TMEM38B: variants seen among roughly 807,000 people sequenced by gnomAD.
The protein encoded by TMEM38B is transmembrane protein 38B, also known as trimeric intracellular cation channel type B.
TMEM38B carries 24 observed loss-of-function variants against 28.7 expected under a neutral mutation model. That is an observed-to-expected ratio of 0.84 (90% CI 0.61 to 1.18). The LOEUF (loss-of-function observed/expected upper bound fraction) is 1.18. Among genes scored for constraint, TMEM38B ranks in the 50% most tolerant of loss-of-function variants. The pLI, the probability that TMEM38B is intolerant of heterozygous loss-of-function variation, is 0.00. For missense variants in TMEM38B, 380 were observed against 350.9 expected, an observed-to-expected ratio of 1.08 and a Z score of -0.66; for synonymous variants, 131 against 127.7, an observed-to-expected ratio of 1.03 and a Z score of -0.17.
rs1826678701 is a variant in TMEM38B at position 105,774,920 on chromosome 9, A to T, written c.*840A>T. 1 of 151,742 alleles carries T rather than the reference A, an allele frequency of 6.6e-6. No homozygotes were observed. Among genetic ancestry groups the T allele is most frequent in the South Asian group, 2.1e-4 (1 of 4,822 alleles). 9.4% of individuals were successfully genotyped at this position (151,742 alleles called of 1,614,324 possible). A position where few individuals can be genotyped will look rare whatever the true frequency, so the allele number is the denominator to read the frequency against. On this transcript the variant is annotated 3_prime_UTR_variant, in exon 6 of 6. Coordinates refer to ENST00000374692, the MANE Select transcript of TMEM38B (RefSeq NM_018112.3). Reference sequence around the variant, plus strand: ...CACATTTGTTTTAATTGTAGGAGAAATTTTCTCAGCATTTTGCATGTTCTT... The same window carrying T: ...CACATTTGTTTTAATTGTAGGAGAATTTTTCTCAGCATTTTGCATGTTCTT...
intron 4 of TMEM38B, among the ~76,000 whole-genome samples, chr9:105,745,136 A>G (rs1486506978): frequency 1.3e-5 from 2 of 152,134 alleles, no homozygotes; most frequent in South Asian, 2.1e-4. Flanking sequence ...TGGTATTTCT[A>G]GTTCTAGATC....
intron 4 of TMEM38B, among the ~76,000 whole-genome samples, chr9:105,741,465 T>A (rs1396267679): frequency 6.6e-6 from 1 of 152,170 alleles, no homozygotes; most frequent in African/African-American, 2.4e-5. Flanking sequence ...ATAATACATA[T>A]ATTGTTATAA....
chr9:105,745,701 T>C (rs1348908292), intron 4 of TMEM38B, among the ~76,000 whole-genome samples: 2 of 152,226 alleles, frequency 1.3e-5, no homozygotes, highest in African/African-American at 2.4e-5. Context: ...GATTTTCTTC[T>C]AGGATTTTTA....
chr9:105,734,252 A>G (rs1179209391), intron 4 of TMEM38B, among the ~76,000 whole-genome samples: 1 of 152,104 alleles, frequency 6.6e-6, no homozygotes, highest in Admixed American at 6.5e-5. Context: ...TGAATTTTCC[A>G]AAATTCCTCC....
chr9:105,748,082 G>A lies in TMEM38B; in HGVS notation c.552G>A (p.Lys184=). Residue 184 remains lysine, a synonymous_variant, in exon 5 of 6, where the codon AAG becomes AAA. Coordinates refer to ENST00000374692, the MANE Select transcript of TMEM38B (RefSeq NM_018112.3). ...DEWLKMSYPA[K]VTLLGSVIFT... is the part of the protein sequence containing the mutation. ...TGTGTTTTATTTTCAGCCCTGCCAA[G>A]GTAACCCTGCTGGGGTCAGTTATCT... The A allele has an allele frequency of 6.2e-7, 1 of 1,612,050 alleles. No homozygotes were observed.
chr9:105,756,393 T>TATA lies in TMEM38B; in HGVS notation c.660+8206_660+8208dup, dbSNP rs143864342. Among the ~76,000 whole-genome samples the TATA allele has an allele frequency of 5.7e-3, 866 of 152,294 alleles. 8 individuals are homozygous for TATA. Among genetic ancestry groups the TATA allele is most frequent in the African/African-American group, 0.02 (833 of 41,564 alleles). On this transcript the variant is annotated intron_variant, in intron 5 of 5. Transcript: ENST00000374692. ...AAGCATTTGGTATTTCACTATTAAG[T>TATA]ATAATGTTGGCTGTGGGTTTTTCCT... is the stretch of plus-strand genomic sequence containing the variant.
chr9:105,723,595 G>A (rs1452835355), intron 4 of TMEM38B, among the ~76,000 whole-genome samples: 1 of 151,928 alleles, frequency 6.6e-6, no homozygotes, highest in East Asian at 1.9e-4. Context: ...TCTCATCTCA[G>A]TATGTTGCCT....
At chr9:105,734,542 A>G (rs1836896372) in intron 4 of TMEM38B, among the ~76,000 whole-genome samples, 1 of 151,992 alleles carries the variant, frequency 6.6e-6, no homozygotes, top group African/African-American at 2.4e-5. Flanking sequence ...GTATTGACGT[A>G]CCCTACTATT....
intron 1 of TMEM38B, among the ~76,000 whole-genome samples, chr9:105,702,457 C>CT (rs760149034): frequency 1.3e-5 from 2 of 152,124 alleles, no homozygotes; most frequent in South Asian, 2.1e-4. Context: ...CTAAAATAGA[C>CT]TGAGTACAAG....
intron 5 of TMEM38B, among the ~76,000 whole-genome samples, chr9:105,754,982 A>G (rs1378094864): frequency 6.6e-6 from 1 of 152,240 alleles, no homozygotes; most frequent in Non-Finnish European, 1.5e-5. Context: ...ACTGTACTAT[A>G]TACTATAAGC....
At chr9:105,730,772 CT>C (rs1423381533) in intron 4 of TMEM38B, among the ~76,000 whole-genome samples, 1 of 152,142 alleles carries the variant, frequency 6.6e-6, no homozygotes, top group African/African-American at 2.4e-5. Flanking sequence ...AGAGATTCAA[CT>C]TCTTCCTGGT....
Position 105,762,246 on chromosome 9 carries a change from A to AT in TMEM38B, c.661-11619_661-11618insT, listed in dbSNP as rs1564416485. Among the ~76,000 whole-genome samples the AT allele has an allele frequency of 7.2e-4, 108 of 150,718 alleles. 1 individual carries two copies. The highest frequency in any genetic ancestry group is 2.5e-3 in the African/African-American group (102 of 40,678). Reference sequence around the variant, plus strand: ...GACTTTATCCTAGAAACTGGCTATAAATTTTTTTTTTAAATTTATTATTAT... The same window carrying AT: ...GACTTTATCCTAGAAACTGGCTATAATATTTTTTTTTTAAATTTATTATTAT... On this transcript the variant is annotated intron_variant, in intron 5 of 5. Coordinates refer to ENST00000374692, the MANE Select transcript of TMEM38B (RefSeq NM_018112.3).
intron 4 of TMEM38B, among the ~76,000 whole-genome samples, chr9:105,728,199 C>T (rs1357404773): frequency 2.0e-5 from 3 of 152,144 alleles, no homozygotes; most frequent in African/African-American, 4.8e-5. Flanking sequence ...CCTATCAACT[C>T]GTCATTTACA....
intron 4 of TMEM38B, among the ~76,000 whole-genome samples, chr9:105,724,398 G>C (rs962794358): frequency 3.3e-5 from 5 of 152,016 alleles, no homozygotes; most frequent in African/African-American, 1.2e-4. Flanking sequence ...ACTTTGGGAG[G>C]CCGAGGCAGG....
Position 105,718,846 on chromosome 9 carries a change from G to A in TMEM38B, c.270-2691G>A, listed in dbSNP as rs147090626. Among the ~76,000 whole-genome samples, 526 of 151,856 alleles carry A rather than the reference G, an allele frequency of 3.5e-3. 6 individuals carry two copies. The Middle Eastern group carries it at 0.058, about 17-fold the overall frequency. On this transcript the variant is annotated intron_variant, in intron 2 of 5. Coordinates refer to ENST00000374692, the MANE Select transcript of TMEM38B (RefSeq NM_018112.3). ...TTATATATGGCACATTTGTGTAACCGAGACTACATTTAGATGAGGAAAAAT... is the reference window on the plus strand; with the variant it reads ...TTATATATGGCACATTTGTGTAACCAAGACTACATTTAGATGAGGAAAAAT...
At chr9:105,709,765 A>G (rs72730836) in intron 2 of TMEM38B, among the ~76,000 whole-genome samples, 533 of 152,376 alleles carry the variant, frequency 3.5e-3, no homozygotes, top group Middle Eastern at 6.8e-3. Context: ...GCAGATGCCA[A>G]CAAAGCCAAT....
rs1182984898 is a variant in TMEM38B at position 105,773,901 on chromosome 9, T to C, written c.697T>C (p.Phe233Leu). ...GACTACACAGACTTCTACTATGACA[T>C]TTGCTCCTTTTGAGGATACATTGAG... ...MMTTQTSTMTFAPFEDTLSWM... is the reference protein window; with the variant it reads ...MMTTQTSTMTLAPFEDTLSWM... The change falls in exon 6 of 6, where the codon TTT becomes CTT. Residue 233 changes from phenylalanine to leucine, a missense_variant. Transcript: ENST00000374692. The C allele has an allele frequency of 6.2e-7, 1 of 1,613,632 alleles. No homozygotes were observed. Among genetic ancestry groups the C allele is most frequent in the African/African-American group, 1.3e-5 (1 of 74,904 alleles).
At chr9:105,720,790 T>C (rs1436677365) in intron 2 of TMEM38B, among the ~76,000 whole-genome samples, 1 of 152,090 alleles carries the variant, frequency 6.6e-6, no homozygotes, top group African/African-American at 2.4e-5. Context: ...ATTTGGAGAA[T>C]GGAGAGAAAA....
rs1588452223 is a variant in TMEM38B, at chr9:105,748,339, A to G, written c.660+149A>G. The G allele has an allele frequency of 8.2e-6, 5 of 609,630 alleles. No individual in the cohort carries two copies. In the East Asian group the frequency reaches 8.7e-5, roughly 11 times the overall value. The allele number at this position is 609,630 out of a possible 1,614,324, so 37.8% of individuals were successfully genotyped here. ...TTGGGGAGCTTTACTCAGCACATCC[A>G]TGACTTTCTGAAACTTAGCTTTTCT... On this transcript the variant is annotated intron_variant, in intron 5 of 5. Coordinates refer to ENST00000374692, the MANE Select transcript of TMEM38B (RefSeq NM_018112.3).
Sources: allele counts gnomAD v4.1 joint callset (sites outside exome capture counted in the v4.1 genomes callset), GRCh38; gene constraint gnomAD v4.1.1; transcripts MANE v1.5; gene names NCBI Gene and HGNC (gene_info 2026-07-23, HGNC 2026-07-21).